The following CSMD3 variants were observed in gnomAD, a reference collection of about 807,000 sequenced individuals.
CSMD3 encodes CUB and Sushi multiple domains 3.
CSMD3 carries 177 observed loss-of-function variants against 435.2 expected under a neutral mutation model. The ratio of observed to expected loss-of-function variants is 0.41; its 90% CI spans 0.36 to 0.46. The LOEUF (loss-of-function observed/expected upper bound fraction) is 0.46. Among genes scored for constraint, CSMD3 ranks in the 20% least tolerant of loss-of-function variants. The pLI is 0.34. For synonymous variants in CSMD3, 1,656 were observed against 1,520.5 expected (o/e 1.09, Z -2.07); for missense variants, 4,265 against 4,504.6 (o/e 0.95, Z 1.52).
At chr8:112,887,737 T>C (rs1033018377) in intron 10 of CSMD3, among the ~76,000 whole-genome samples, 2 of 93,352 alleles carry the variant, frequency 2.1e-5, no homozygotes, top group African/African-American at 4.6e-5. Context: ...CTAGTCTTTA[T>C]GCAAAAAAAA....
chr8:112,365,355 A>C (rs1331352712), intron 38 of CSMD3, among the ~76,000 whole-genome samples: 2 of 152,124 alleles, frequency 1.3e-5, no homozygotes, highest in African/African-American at 4.8e-5. Context: ...AGAAGACATC[A>C]AAGTTTAAGA....
intron 32 of CSMD3, among the ~76,000 whole-genome samples, chr8:112,466,910 A>G (rs1373966562): frequency 6.6e-6 from 1 of 152,176 alleles, no homozygotes; most frequent in Admixed American, 6.5e-5. Flanking sequence ...TTATAATCTT[A>G]TAATGTGAGT....
At chr8:112,557,292 T>C (rs2131228865) in intron 24 of CSMD3, among the ~76,000 whole-genome samples, 1 of 152,094 alleles carries the variant, frequency 6.6e-6, no homozygotes, top group African/African-American at 2.4e-5. Flanking sequence ...TATATATTTG[T>C]TCTTTGTCCC....
At chr8:112,781,618 G>A (rs947687252) in intron 13 of CSMD3, among the ~76,000 whole-genome samples, 29 of 152,038 alleles carry the variant, frequency 1.9e-4, no homozygotes, top group Non-Finnish European at 2.6e-4. Context: ...ACAGGCCTTC[G>A]GAGACAGCCA....
chr8:113,130,831 C>T (rs997476970), intron 4 of CSMD3, among the ~76,000 whole-genome samples: 4 of 152,044 alleles, frequency 2.6e-5, no homozygotes, highest in South Asian at 2.1e-4. Context: ...ATATGGACAA[C>T]GAAGTCCAGG....
rs530885444 is a variant in CSMD3, at chr8:112,435,588, G to T, written c.5396-26556C>A. Among the ~76,000 whole-genome samples the T allele has an allele frequency of 3.9e-5, 6 of 152,088 alleles. No individual in the cohort carries two copies. In the South Asian group the frequency reaches 1.2e-3, roughly 32 times the overall value. On this transcript the variant is annotated intron_variant, in intron 32 of 70. Transcript: ENST00000297405. The stretch of plus-strand genomic sequence containing the variant: ...GTACATTTCAATGAAGTCAGACCCA[G>T]GCTCTGGAAACTAATGAACTTGGGT...
At chr8:112,742,787 C>T (rs1365285379) in intron 13 of CSMD3, among the ~76,000 whole-genome samples, 5 of 151,778 alleles carry the variant, frequency 3.3e-5, no homozygotes, top group African/African-American at 1.2e-4. Flanking sequence ...TTTTTGAGAA[C>T]TGATTCTACT....
intron 3 of CSMD3, among the ~76,000 whole-genome samples, chr8:113,209,491 A>C (rs1290810401): frequency 6.6e-6 from 1 of 152,118 alleles, no homozygotes; most frequent in Admixed American, 6.6e-5. Context: ...TTAGGGATTC[A>C]AGGAAGTCTT....
At chr8:113,389,225 T>C (rs963293548) in intron 1 of CSMD3, among the ~76,000 whole-genome samples, 3 of 151,652 alleles carry the variant, frequency 2.0e-5, no homozygotes, top group African/African-American at 7.2e-5. Context: ...GCACTTTAAA[T>C]TGAATACTTT....
chr8:113,245,603 CAG>C (rs1222696331), intron 3 of CSMD3, among the ~76,000 whole-genome samples: 3 of 151,990 alleles, frequency 2.0e-5, no homozygotes, highest in African/African-American at 4.8e-5. Context: ...TGCCCATTAA[CAG>C]AGTTTCTTAA....
At chr8:112,421,835 G>A (rs539016046) in intron 32 of CSMD3, among the ~76,000 whole-genome samples, 2 of 151,656 alleles carry the variant, frequency 1.3e-5, no homozygotes, top group East Asian at 3.9e-4. Context: ...ATATTAACTA[G>A]TTATCATTCA....
At chr8:112,491,716 A>G (rs1481544227) in intron 31 of CSMD3, among the ~76,000 whole-genome samples, 2 of 152,100 alleles carry the variant, frequency 1.3e-5, no homozygotes, top group African/African-American at 4.8e-5. Context: ...TATTTTATTA[A>G]CTTTTAATTT....
At chr8:112,641,743 T>A (rs2131599801) in intron 20 of CSMD3, among the ~76,000 whole-genome samples, 1 of 152,002 alleles carries the variant, frequency 6.6e-6, no homozygotes, top group Non-Finnish European at 1.5e-5. Flanking sequence ...GAGGCTGAGG[T>A]GGGAGGGTCA....
chr8:113,277,648 C>G (rs971664130), intron 3 of CSMD3, among the ~76,000 whole-genome samples: 4 of 151,804 alleles, frequency 2.6e-5, no homozygotes, highest in African/African-American at 9.7e-5. Flanking sequence ...ATTTATGTAT[C>G]TCTTTATGAT....
chr8:112,292,001 G>T (rs1009214056), intron 55 of CSMD3, among the ~76,000 whole-genome samples: 1 of 151,932 alleles, frequency 6.6e-6, no homozygotes, highest in Non-Finnish European at 1.5e-5. Flanking sequence ...AAAACAACAT[G>T]CAGGAGAATG....
chr8:112,309,858 CTTA>C (rs1208440636), intron 50 of CSMD3, among the ~76,000 whole-genome samples: 1 of 151,986 alleles, frequency 6.6e-6, no homozygotes, highest in East Asian at 1.9e-4. Context: ...CTAATTTTAA[CTTA>C]TTATTGGTTG....
At chr8:112,782,184 G>A (rs1270371404) in intron 13 of CSMD3, among the ~76,000 whole-genome samples, 2 of 151,456 alleles carry the variant, frequency 1.3e-5, no homozygotes, top group Non-Finnish European at 2.9e-5. Flanking sequence ...TGAAATTCAA[G>A]ATAACACAGA....
chr8:113,312,127 T>C (rs1448092656), intron 2 of CSMD3: 1 of 152,068 alleles, frequency 6.6e-6, no homozygotes, highest in Non-Finnish European at 1.5e-5. Context: ...TACATAGAAT[T>C]ATATATATTG....
intron 31 of CSMD3, among the ~76,000 whole-genome samples, chr8:112,483,734 A>G (rs1819853273): frequency 6.6e-6 from 1 of 152,186 alleles, no homozygotes; most frequent in South Asian, 2.1e-4. Flanking sequence ...CATCAATCTC[A>G]GGAGGATACA....
Sources: allele counts gnomAD v4.1 joint callset (sites outside exome capture counted in the v4.1 genomes callset), GRCh38; gene constraint gnomAD v4.1.1; transcripts MANE v1.5; gene names NCBI Gene and HGNC (gene_info 2026-07-23, HGNC 2026-07-21).